SORCS1: variants seen among roughly 807,000 people sequenced by gnomAD.
The protein encoded by SORCS1 is VPS10 domain-containing receptor SorCS1.
In SORCS1, 60 loss-of-function variants were observed where a neutral mutation model predicts 146.1. The observed-to-expected ratio is 0.41, with a 90% CI of 0.33 to 0.51. SORCS1 has a LOEUF of 0.51. SORCS1 is among the 20% of genes least tolerant of loss of function. The pLI is 0.21. For missense variants in SORCS1, 1,352 were observed against 1,487.6 expected (o/e 0.91, Z 1.50); for synonymous variants, 637 against 584.0 (o/e 1.09, Z -1.31).
At chr10:106,843,986 AG>A (rs1394862326) in intron 2 of SORCS1, among the ~76,000 whole-genome samples, 5 of 152,174 alleles carry the variant, frequency 3.3e-5, no homozygotes, top group African/African-American at 1.2e-4. Flanking sequence ...TGTTTTCCAT[AG>A]TGGCTGCATA....
At chr10:107,142,410 C>T (rs1169718761) in intron 1 of SORCS1, among the ~76,000 whole-genome samples, 3 of 152,186 alleles carry the variant, frequency 2.0e-5, no homozygotes, top group East Asian at 1.9e-4. Context: ...TGTTTTAAAT[C>T]CTCTTCGTTA....
At chr10:106,692,417 A>G (rs1161874310) in intron 9 of SORCS1, among the ~76,000 whole-genome samples, 1 of 152,058 alleles carries the variant, frequency 6.6e-6, no homozygotes, top group Non-Finnish European at 1.5e-5. Flanking sequence ...ATTAGAAGGT[A>G]CAACACCCAA....
intron 3 of SORCS1, among the ~76,000 whole-genome samples, chr10:106,808,483 C>A (rs1466160399): frequency 6.6e-6 from 1 of 152,052 alleles, no homozygotes; most frequent in African/African-American, 2.4e-5. Flanking sequence ...GTGTGCACAA[C>A]AGAAAAGAGT....
chr10:106,796,846 T>A (rs1946583620), intron 3 of SORCS1, among the ~76,000 whole-genome samples: 1 of 152,220 alleles, frequency 6.6e-6, no homozygotes, highest in African/African-American at 2.4e-5. Context: ...ACAGTGGCTC[T>A]TGCCTGTAAT....
At chr10:106,665,891 T>C (rs1054127095) in intron 17 of SORCS1, among the ~76,000 whole-genome samples, 1 of 152,102 alleles carries the variant, frequency 6.6e-6, no homozygotes, top group Non-Finnish European at 1.5e-5. Flanking sequence ...CAGGCTGGAG[T>C]GCAGTGGCAC....
chr10:106,745,599 G>C (rs1358069239), intron 5 of SORCS1, among the ~76,000 whole-genome samples: 1 of 152,106 alleles, frequency 6.6e-6, no homozygotes, highest in African/African-American at 2.4e-5. Context: ...CAATTTTCTG[G>C]TTATATTAAC....
intron 1 of SORCS1, among the ~76,000 whole-genome samples, chr10:107,083,110 C>CAAAAAAAAAAA (rs538577059): frequency 1.7e-5 from 1 of 60,486 alleles, no homozygotes. Flanking sequence ...CTCCAACTCA[C>CAAAAAAAAAAA]AAAAAAAAAA....
At chr10:107,065,930 G>A (rs1260482997) in intron 1 of SORCS1, among the ~76,000 whole-genome samples, 1 of 152,202 alleles carries the variant, frequency 6.6e-6, no homozygotes, top group African/African-American at 2.4e-5. Flanking sequence ...CAAGCTCAGT[G>A]AGTAGCAGAG....
chr10:106,750,543 C>A (rs564908629), intron 5 of SORCS1, among the ~76,000 whole-genome samples: 21 of 147,518 alleles, frequency 1.4e-4, no homozygotes, highest in Non-Finnish European at 2.2e-4. Context: ...TCCTGGCTAA[C>A]ACGGTGAAAC....
intron 3 of SORCS1, among the ~76,000 whole-genome samples, chr10:106,783,462 T>C (rs146378551): frequency 1.8e-4 from 28 of 152,280 alleles, no homozygotes; most frequent in Non-Finnish European, 3.2e-4. Context: ...ATGACATATA[T>C]AGTACTTTAT....
intron 9 of SORCS1, among the ~76,000 whole-genome samples, chr10:106,697,292 G>A (rs1230737108): frequency 3.9e-5 from 6 of 151,988 alleles, no homozygotes; most frequent in South Asian, 4.2e-4. Context: ...GTGAAACTCC[G>A]TCTCTACTAA....
Position 106,965,120 on chromosome 10 carries a change from T to C in SORCS1, c.559-8540A>G, listed in dbSNP as rs1462463903. ...AATGTCCACGTGTCCCCTCTGACAG[T>C]GTCAGCACTCAGTGCTACTTACCCT... On this transcript the variant is annotated intron_variant, in intron 1 of 25. Coordinates refer to ENST00000263054, the MANE Select transcript of SORCS1 (RefSeq NM_052918.5). Among the ~76,000 whole-genome samples, 7 of 152,062 alleles carry C rather than the reference T, an allele frequency of 4.6e-5. 1 individual carries two copies. Among genetic ancestry groups the C allele is most frequent in the African/African-American group, 1.7e-4 (7 of 41,396 alleles).
chr10:106,783,248 T>C (rs1393514666), intron 3 of SORCS1, among the ~76,000 whole-genome samples: 3 of 152,226 alleles, frequency 2.0e-5, no homozygotes, highest in African/African-American at 7.2e-5. Flanking sequence ...AGATTGTTTA[T>C]GAAAACTACT....
chr10:107,022,762 A>C (rs1226720097), intron 1 of SORCS1, among the ~76,000 whole-genome samples: 1 of 152,222 alleles, frequency 6.6e-6, no homozygotes, highest in Non-Finnish European at 1.5e-5. Flanking sequence ...AGTCAGAAGA[A>C]CAACACAGCA....
chr10:106,870,420 T>G (rs1053064144), intron 2 of SORCS1, among the ~76,000 whole-genome samples: 1 of 152,090 alleles, frequency 6.6e-6, no homozygotes, highest in African/African-American at 2.4e-5. Flanking sequence ...AGGCACCACA[T>G]TTCCTGGCTA....
chr10:107,091,116 G>A (rs1964151391), intron 1 of SORCS1, among the ~76,000 whole-genome samples: 1 of 152,214 alleles, frequency 6.6e-6, no homozygotes, highest in Non-Finnish European at 1.5e-5. Flanking sequence ...ACCAACAAAA[G>A]TAGTTCATGC....
At chr10:106,832,690 G>A (rs1948604507) in intron 2 of SORCS1, among the ~76,000 whole-genome samples, 2 of 152,060 alleles carry the variant, frequency 1.3e-5, no homozygotes. Flanking sequence ...ACCTGGGGGC[G>A]GGGATGGTGG....
chr10:106,703,509 G>A (rs1854283014), intron 8 of SORCS1, among the ~76,000 whole-genome samples: 1 of 152,210 alleles, frequency 6.6e-6, no homozygotes, highest in African/African-American at 2.4e-5. Context: ...CCTGTCTGGA[G>A]GGCCACATGC....
At chr10:107,107,024 AG>A (rs1358507084) in intron 1 of SORCS1, among the ~76,000 whole-genome samples, 1 of 152,206 alleles carries the variant, frequency 6.6e-6, no homozygotes, top group East Asian at 1.9e-4. Context: ...AAAGCCACCC[AG>A]TTATGGCATT....
Sources: gnomAD v4.1 joint callset for allele counts (sites outside exome capture counted in the v4.1 genomes callset) on GRCh38, gnomAD v4.1.1 for gene constraint, MANE v1.5 for transcripts, NCBI Gene and HGNC (gene_info 2026-07-23, HGNC 2026-07-21) for gene names.